Variants in CSPG4 observed in about 807,000 individuals in gnomAD.
CSPG4 encodes chondroitin sulfate proteoglycan 4, also known as chondroitin sulfate proteoglycan 4 (melanoma-associated).
CSPG4 carries 74 observed loss-of-function variants against 139.3 expected under a neutral mutation model. The ratio of observed to expected loss-of-function variants is 0.53; its 90% CI spans 0.44 to 0.64. The LOEUF (loss-of-function observed/expected upper bound fraction) is 0.64, where lower values mean the gene tolerates loss of function less well. Ranked by LOEUF, CSPG4 falls within the 30% of genes least tolerant of loss-of-function variation. CSPG4 has a pLI of 0.00. For synonymous variants in CSPG4, 1,234 were observed against 1,394.2 expected, an observed-to-expected ratio of 0.89 and a Z score of 2.56; for missense variants, 2,565 against 3,148.3, an observed-to-expected ratio of 0.81 and a Z score of 4.43.
chr15:75,693,459 C>T (rs1398293417), intron 1 of CSPG4, among the ~76,000 whole-genome samples: 4 of 152,234 alleles, frequency 2.6e-5, no homozygotes, highest in African/African-American at 7.2e-5. Flanking sequence ...CTTGTATTTA[C>T]AGGAGGTCAG....
upstream of CSPG4, chr15:75,712,878 C>T (rs1489741445): frequency 7.8e-6 from 6 of 765,200 alleles, no homozygotes; most frequent in Admixed American, 1.1e-4. Flanking sequence ...GCGCACTTAA[C>T]TCCGGGGGCG....
rs371575649 is a variant in CSPG4 at position 75,682,264 on chromosome 15, G to A, written c.4950+29C>T. 2.6e-5 allele frequency: 42 copies of A among 1,596,144 alleles called. No homozygotes were observed. In the African/African-American group the frequency reaches 5.3e-4, roughly 20 times the overall value. ...CGGCCACCTGAGGCTGGGGGCATCT[G>A]AGTGGTGGCTGCAAAGTTGGGCCCT... On this transcript the variant is annotated intron_variant, in intron 8 of 9. Coordinates refer to ENST00000308508, the MANE Select transcript of CSPG4 (RefSeq NM_001897.5).
Position 75,677,904 on chromosome 15 carries a change from G to T in CSPG4, c.4951-18C>A. Reference sequence around the variant, plus strand: ...GCGTAGACCTAGGGGAGACACCATCGTGGGGTGAGAGGCAGGTCCAGCCTG... The same window carrying T: ...GCGTAGACCTAGGGGAGACACCATCTTGGGGTGAGAGGCAGGTCCAGCCTG... On this transcript the variant is annotated intron_variant, in intron 8 of 9. Coordinates refer to ENST00000308508, the MANE Select transcript of CSPG4 (RefSeq NM_001897.5). The T allele has an allele frequency of 6.3e-7, 1 of 1,583,840 alleles. No homozygotes were observed. The highest frequency in any genetic ancestry group is 8.6e-7 in the Non-Finnish European group (1 of 1,165,870).
chr15:75,707,672 A>G (rs1393749061), intron 1 of CSPG4, among the ~76,000 whole-genome samples: 1 of 152,228 alleles, frequency 6.6e-6, no homozygotes, highest in Admixed American at 6.5e-5. Context: ...ATCTTCATGG[A>G]ACCCAATCTA....
At position 75,676,305 on chromosome 15, in the gene CSPG4, C is replaced by T. The variant is rs758922518; in HGVS notation, c.6214G>A (p.Glu2072Lys). ...ACACTGCCTGTGCGGTTGGCCAGCT[C>T]GCCAGCATCTAGGACGGTGGGGTCC... ...RLDPTVLDAG[E>K]LANRTGSVPR... is the part of the protein sequence containing the mutation. Residue 2072 changes from glutamate to lysine, a missense_variant, in exon 10 of 10, where the codon GAG becomes AAG. Coordinates refer to ENST00000308508, the MANE Select transcript of CSPG4 (RefSeq NM_001897.5). 3.4e-5 allele frequency: 54 copies of T among 1,604,874 alleles called. No homozygotes were observed. Among genetic ancestry groups the T allele is most frequent in the Admixed American group, 1.5e-4 (9 of 58,890 alleles).
Position 75,676,841 on chromosome 15 carries a change from CG to C in CSPG4, c.5677del (p.Arg1893AlafsTer27). 6.4e-7 allele frequency: 1 copy of C among 1,556,670 alleles called. No individual in the cohort carries two copies. The highest frequency in any genetic ancestry group is 2.3e-5 in the East Asian group (1 of 44,202). Reference sequence around the variant, plus strand: ...TGAATCCACATCGGCTTGCGTGAAGCGGGTCACGGGCCCCAGGCCACCACCC... The same window carrying C: ...TGAATCCACATCGGCTTGCGTGAAGCGGTCACGGGCCCCAGGCCACCACCC... Reference protein sequence around the residue: ...LVGGGLGPVTRFTQADVDSGR... With the variant: ...LVGGGLGPVTXFTQADVDSGR... On this transcript the variant is annotated frameshift_variant, in exon 10 of 10. Coordinates refer to ENST00000308508, the MANE Select transcript of CSPG4 (RefSeq NM_001897.5). LOFTEE classifies it low-confidence loss of function (END_TRUNC).
chr15:75,674,806 T>C lies in CSPG4; in HGVS notation c.*744A>G. 2.5e-6 allele frequency: 1 copy of C among 398,664 alleles called. No homozygotes were observed. Among genetic ancestry groups the C allele is most frequent in the South Asian group, 1.3e-4 (1 of 7,844 alleles). 24.7% of individuals were successfully genotyped at this position (398,664 alleles called of 1,614,324 possible). A position where few individuals can be genotyped will look rare whatever the true frequency, so the allele number is the denominator to read the frequency against. On this transcript the variant is annotated 3_prime_UTR_variant, in exon 10 of 10. Coordinates refer to ENST00000308508, the MANE Select transcript of CSPG4 (RefSeq NM_001897.5). ...ATGTTTAGCCCTTGGCCCATCAAGA[T>C]GGGGCCCTGGGAATGAACTGGCTGC...
chr15:75,695,254 T>C (rs1894210898), intron 1 of CSPG4, among the ~76,000 whole-genome samples: 1 of 152,186 alleles, frequency 6.6e-6, no homozygotes, highest in Non-Finnish European at 1.5e-5. Flanking sequence ...ATCAGGGCTC[T>C]GGGCCAGGCA....
chr15:75,676,964 G>C lies in CSPG4; in HGVS notation c.5555C>G (p.Ser1852Cys). 6.7e-7 allele frequency: 1 copy of C among 1,501,886 alleles called. No homozygotes were observed. Among genetic ancestry groups the C allele is most frequent in the East Asian group, 2.5e-5 (1 of 40,410 alleles). The allele number at this position is 1,501,886 out of a possible 1,614,324, so 93.0% of individuals were successfully genotyped here. Residue 1852 changes from serine (S) to cysteine (C), a missense_variant, in exon 10 of 10, where the codon TCC (serine) becomes TGC (cysteine). This residue lies in a region of CSPG4 where 2,316 missense variants were observed against 2,818.2 expected (regional missense o/e 0.82). Transcript: ENST00000308508. ...GTCCACCACACTCAGCTGGGCCCGG[G>C]AGATGGGGGCACGAGAGCCTCGGGT... Reference protein sequence around the residue: ...RLTRGSRAPISRAQLSVVDPD... With the variant: ...RLTRGSRAPICRAQLSVVDPD...
At chr15:75,712,298 T>C (rs911943867) in intron 1 of CSPG4, among the ~76,000 whole-genome samples, 1 of 151,890 alleles carries the variant, frequency 6.6e-6, no homozygotes, top group African/African-American at 2.4e-5. Context: ...CCGGGTCCCT[T>C]TGGACCCCAA....
rs1050984166 is a variant in CSPG4, at chr15:75,675,372, CTT to C, written c.*176_*177del. 39 of 606,070 alleles carry C rather than the reference CTT, an allele frequency of 6.4e-5. No individual in the cohort carries two copies. In the African/African-American group the frequency reaches 7.4e-4, roughly 12 times the overall value. 37.5% of individuals were successfully genotyped at this position (606,070 alleles called of 1,614,324 possible). A position where few individuals can be genotyped will look rare whatever the true frequency, so the allele number is the denominator to read the frequency against. On this transcript the variant is annotated 3_prime_UTR_variant, in exon 10 of 10. Transcript: ENST00000308508. ...GAGTGAGCTGAGGGAGGTTCCAGCT[CTT>C]GACTCCACTCTGTCCCGGACCCCTG... is the stretch of plus-strand genomic sequence containing the variant.
chr15:75,684,978 C>T, intron 4 of CSPG4, 66 bp from the exon 5 acceptor site: 1 of 1,486,416 alleles, frequency 6.7e-7, no homozygotes, highest in Non-Finnish European at 9.3e-7. Flanking sequence ...CCTTTGGGTG[C>T]AGGAGGAGAC....
chr15:75,678,004 C>T (rs1464648305), intron 8 of CSPG4, 118 bp from the exon 9 acceptor site: 10 of 865,246 alleles, frequency 1.2e-5, no homozygotes, highest in South Asian at 3.8e-5. Context: ...CAGGTCTGTG[C>T]GTGTGACCCG....
chr15:75,689,555 C>T lies in CSPG4; in HGVS notation c.1510G>A (p.Ala504Thr). The T allele has an allele frequency of 6.2e-7, 1 of 1,612,734 alleles. No individual in the cohort carries two copies. Among genetic ancestry groups the T allele is most frequent in the Admixed American group, 1.7e-5 (1 of 60,024 alleles). The change falls in exon 3 of 10, where the codon GCC becomes ACC. Residue 504 changes from alanine (A) to threonine (T), a missense_variant. Ala to Thr is a moderately conservative substitution (Grantham distance 58). This residue lies in a region of CSPG4 where 2,316 missense variants were observed against 2,818.2 expected (regional missense o/e 0.82). Transcript: ENST00000308508. ...FTLLDVVNRK[A>T]RFIHDGSEDT... ...TCAGAGCCATCGTGGATGAAGCGGGCCTTGCGGTTCACCACGTCCAGGAGG... is the reference window on the plus strand; with the variant it reads ...TCAGAGCCATCGTGGATGAAGCGGGTCTTGCGGTTCACCACGTCCAGGAGG...
chr15:75,706,284 C>T (rs1187392160), intron 1 of CSPG4, among the ~76,000 whole-genome samples: 5 of 152,154 alleles, frequency 3.3e-5, no homozygotes, highest in Non-Finnish European at 7.4e-5. Context: ...CCTGCCCTGG[C>T]GGGGGAACGA....
Position 75,693,067 on chromosome 15 carries a change from C to T in CSPG4, c.252+3G>A. The T allele has an allele frequency of 7.1e-7, 1 of 1,418,156 alleles. No homozygotes were observed. Among genetic ancestry groups the T allele is most frequent in the Non-Finnish European group, 9.7e-7 (1 of 1,026,758 alleles). 87.8% of individuals were successfully genotyped at this position (1,418,156 alleles called of 1,614,324 possible). On this transcript the variant is annotated splice_donor_region_variant and intron_variant, in intron 2 of 9. Coordinates refer to ENST00000308508, the MANE Select transcript of CSPG4 (RefSeq NM_001897.5). ...GCCCAGATCTCAGGGGGACGTCACT[C>T]ACCTGCAGGCGTCCAGAGTAGAGCT...
intron 1 of CSPG4, among the ~76,000 whole-genome samples, chr15:75,712,066 G>A (rs1043937401): frequency 6.7e-6 from 1 of 148,992 alleles, no homozygotes; most frequent in African/African-American, 2.5e-5. Context: ...TCACCAACAG[G>A]AGGAGGGAGA....
chr15:75,682,819 C>T (rs774757053), intron 6 of CSPG4, 24 bp downstream of exon 6: 13 of 1,605,296 alleles, frequency 8.1e-6, no homozygotes, highest in South Asian at 6.6e-5. Context: ...AGCAGGAACC[C>T]GAGGCCCGGC....
At position 75,689,646 on chromosome 15, in the gene CSPG4, G is replaced by A. The variant is rs371755714; in HGVS notation, c.1419C>T (p.Thr473=). 6.8e-5 allele frequency: 110 copies of A among 1,612,788 alleles called. No homozygotes were observed. The highest frequency in any genetic ancestry group is 9.0e-5 in the Non-Finnish European group (106 of 1,179,874). Residue 473 remains threonine (T), a synonymous_variant, in exon 3 of 10, where the codon ACC becomes ACT. Coordinates refer to ENST00000308508, the MANE Select transcript of CSPG4 (RefSeq NM_001897.5). ...CGAGCTCGCCATGGCGTGCCCCTCG[G>A]GTCACGCTGAACAGCACCTGGGATT... ...LRKSQVLFSV[T]RGARHGELEL...
Sources: gnomAD v4.1 joint callset for allele counts (sites outside exome capture counted in the v4.1 genomes callset) on GRCh38, gnomAD v4.1.1 for gene constraint, gnomAD v4.1.1 regional missense constraint, MANE v1.5 for transcripts, NCBI Gene and HGNC (gene_info 2026-07-23, HGNC 2026-07-21) for gene names.